Variants in NBAS observed in about 807,000 individuals in gnomAD.
NBAS encodes NAG/BC035112 fusion.
NBAS carries 219 observed loss-of-function variants against 302.5 expected under a neutral mutation model. The observed-to-expected ratio is 0.72, with a 90% CI of 0.65 to 0.81. The LOEUF (loss-of-function observed/expected upper bound fraction) is 0.81, where lower values mean the gene tolerates loss of function less well. Ranked by LOEUF, NBAS falls within the 30% of genes least tolerant of loss-of-function variation. NBAS has a pLI of 0.00. For synonymous variants in NBAS, 1,118 were observed against 1,021.6 expected (o/e 1.09, Z -1.80); for missense variants, 2,932 against 2,841.6 (o/e 1.03, Z -0.72).
chr2:15,539,747 AAAAAT>A (rs1229099617), intron 6 of NBAS, among the ~76,000 whole-genome samples: 3 of 152,222 alleles, frequency 2.0e-5, no homozygotes, highest in African/African-American at 7.2e-5. Flanking sequence ...TCTAAAAGCA[AAAAAT>A]AAAAATTGCA....
chr2:15,502,987 T>A (rs1000706344), intron 11 of NBAS, among the ~76,000 whole-genome samples: 2 of 152,262 alleles, frequency 1.3e-5, no homozygotes, highest in Non-Finnish European at 2.9e-5. Flanking sequence ...TTCTACAAAC[T>A]TTTGTATTTT....
chr2:15,408,444 T>G (rs893454118), intron 25 of NBAS, among the ~76,000 whole-genome samples: 12 of 152,346 alleles, frequency 7.9e-5, no homozygotes, highest in African/African-American at 2.9e-4. Context: ...TACTGTTTCC[T>G]AAGTATGATT....
At chr2:14,968,981 A>G in the NBAS span, among the ~76,000 whole-genome samples, 1 of 152,260 alleles carries the variant, frequency 6.6e-6, no homozygotes, top group Non-Finnish European at 1.5e-5. Flanking sequence ...ATAAAATGTC[A>G]CATATTCACA....
chr2:14,913,735 G>T, the NBAS span, among the ~76,000 whole-genome samples: 1 of 152,166 alleles, frequency 6.6e-6, no homozygotes, highest in East Asian at 1.9e-4. Flanking sequence ...ATGATCCCAT[G>T]AAGAGTGATG....
At chr2:15,546,053 G>C (rs1224934441) in intron 6 of NBAS, among the ~76,000 whole-genome samples, 2 of 152,164 alleles carry the variant, frequency 1.3e-5, no homozygotes, top group Non-Finnish European at 2.9e-5. Context: ...ACGCTATTCA[G>C]TAGAAATGAT....
the NBAS span, among the ~76,000 whole-genome samples, chr2:14,955,212 G>T: frequency 1.3e-5 from 2 of 152,232 alleles, no homozygotes; most frequent in African/African-American, 2.4e-5. Context: ...GTTCCGAAAT[G>T]ATCTCCTTTG....
the NBAS span, among the ~76,000 whole-genome samples, chr2:14,897,147 C>T: frequency 3.3e-5 from 5 of 151,846 alleles, no homozygotes; most frequent in Non-Finnish European, 5.9e-5. Context: ...TATCACACAG[C>T]GAGCAGGTGG....
chr2:15,544,899 TGCTTAGGAGGCTGAA>T (rs1164104520), intron 6 of NBAS, among the ~76,000 whole-genome samples: 1 of 152,018 alleles, frequency 6.6e-6, no homozygotes, highest in Non-Finnish European at 1.5e-5. Flanking sequence ...TGATCCCAGC[TGCTTAGGAGGCTGAA>T]GCATGAGAAC....
At chr2:15,357,535 T>C (rs1673681400) in intron 32 of NBAS, among the ~76,000 whole-genome samples, 1 of 152,188 alleles carries the variant, frequency 6.6e-6, no homozygotes, top group African/African-American at 2.4e-5. Flanking sequence ...AATTTTTTGT[T>C]TATTCATTTG....
the NBAS span, among the ~76,000 whole-genome samples, chr2:14,835,307 G>T: frequency 6.6e-6 from 1 of 151,994 alleles, no homozygotes; most frequent in East Asian, 1.9e-4. Flanking sequence ...TTGGTATTTT[G>T]AATATATTTG....
the NBAS span, among the ~76,000 whole-genome samples, chr2:15,047,812 T>C: frequency 1.3e-5 from 2 of 152,240 alleles, no homozygotes. Context: ...TAGATTACCG[T>C]CCCATCTCTG....
At chr2:15,390,214 G>A (rs904614874) in intron 28 of NBAS, among the ~76,000 whole-genome samples, 3 of 152,104 alleles carry the variant, frequency 2.0e-5, no homozygotes, top group African/African-American at 7.2e-5. Flanking sequence ...TCAGTTATGG[G>A]GAATAATTAG....
chr2:15,412,377 C>T (rs994552391), intron 25 of NBAS, among the ~76,000 whole-genome samples: 1 of 152,098 alleles, frequency 6.6e-6, no homozygotes, highest in African/African-American at 2.4e-5. Flanking sequence ...GTTCTTTCTT[C>T]CTGAGTCCCC....
At chr2:15,523,454 G>T (rs1662773677) in intron 9 of NBAS, among the ~76,000 whole-genome samples, 1 of 93,712 alleles carries the variant, frequency 1.1e-5, no homozygotes, top group African/African-American at 3.7e-5. Context: ...GGTATTACAA[G>T]TAATCTAGAG....
chr2:15,508,754 A>C (rs1661994597), intron 10 of NBAS, among the ~76,000 whole-genome samples: 1 of 152,172 alleles, frequency 6.6e-6, no homozygotes, highest in South Asian at 2.1e-4. Context: ...CTGTAATCCT[A>C]GCACTTTGGG....
the NBAS span, among the ~76,000 whole-genome samples, chr2:15,069,634 A>G: frequency 6.6e-6 from 1 of 152,190 alleles, no homozygotes; most frequent in Admixed American, 6.5e-5. Context: ...TCACATTTCA[A>G]AGGATGAAAA....
At chr2:15,326,525 C>A (rs1466505964) in intron 38 of NBAS, among the ~76,000 whole-genome samples, 1 of 151,962 alleles carries the variant, frequency 6.6e-6, no homozygotes, top group East Asian at 1.9e-4. Flanking sequence ...CCATGAGCAA[C>A]TGATGTAAGA....
chr2:15,289,712 A>G (rs1670214096), intron 41 of NBAS, among the ~76,000 whole-genome samples: 1 of 152,102 alleles, frequency 6.6e-6, no homozygotes, highest in Non-Finnish European at 1.5e-5. Context: ...GAAAATGGAC[A>G]TGCAGCTGGG....
intron 41 of NBAS, among the ~76,000 whole-genome samples, chr2:15,288,158 A>C (rs1283931056): frequency 6.6e-6 from 1 of 152,270 alleles, no homozygotes; most frequent in Non-Finnish European, 1.5e-5. Flanking sequence ...TAGAGATTTG[A>C]GAAAGCACAA....
Sources: gnomAD v4.1 joint callset for allele counts (sites outside exome capture counted in the v4.1 genomes callset) on GRCh38, gnomAD v4.1.1 for gene constraint, MANE v1.5 for transcripts, NCBI Gene and HGNC (gene_info 2026-07-23, HGNC 2026-07-21) for gene names.